The following EPHX4 variants were observed in gnomAD, a reference collection of about 807,000 sequenced individuals.
The protein encoded by EPHX4 is abhydrolase domain containing 7.
In EPHX4, 31 loss-of-function variants were observed where a neutral mutation model predicts 44.9. The ratio of observed to expected loss-of-function variants is 0.69; its 90% confidence interval spans 0.52 to 0.93. The LOEUF (loss-of-function observed/expected upper bound fraction) is 0.93. Among genes scored for constraint, EPHX4 ranks in the 40% least tolerant of loss-of-function variants. EPHX4 has a pLI of 0.00. For missense variants in EPHX4, 373 were observed against 438.1 expected, an observed-to-expected ratio of 0.85 and a Z score of 1.33; for synonymous variants, 151 against 159.7, an observed-to-expected ratio of 0.95 and a Z score of 0.41.
At chr1:92,037,535 GAGGC>G (rs1458465764) in intron 2 of EPHX4, among the ~76,000 whole-genome samples, 5 of 152,092 alleles carry the variant, frequency 3.3e-5, no homozygotes, top group African/African-American at 1.2e-4. Flanking sequence ...ATTTTGAGCT[GAGGC>G]AGGCAATTTC....
chr1:92,031,817 C>T (rs533125196), intron 1 of EPHX4, among the ~76,000 whole-genome samples: 1 of 151,966 alleles, frequency 6.6e-6, no homozygotes, highest in Admixed American at 6.6e-5. Flanking sequence ...TTTTAATTTT[C>T]CTTGGGTTTT....
chr1:92,041,984 G>C (rs1295772360), intron 2 of EPHX4, among the ~76,000 whole-genome samples: 1 of 152,194 alleles, frequency 6.6e-6, no homozygotes, highest in East Asian at 1.9e-4. Flanking sequence ...GGGAGGCAGA[G>C]GTTGCAGTGA....
intron 2 of EPHX4, among the ~76,000 whole-genome samples, chr1:92,033,936 T>G (rs1688397918): frequency 1.3e-5 from 2 of 151,704 alleles, no homozygotes; most frequent in South Asian, 2.1e-4. Flanking sequence ...GGGGAAGTGT[T>G]CTGTTCTCTA....
At position 92,030,358 on chromosome 1, in the gene EPHX4, C is replaced by T. The variant is rs768821963; in HGVS notation, c.231+48C>T. ...CGGGAGCGGGAGGGAGCGTGACCGCCGCGAGGGTGGGGGGCTCCGGGCTTC... is the reference window on the plus strand; with the variant it reads ...CGGGAGCGGGAGGGAGCGTGACCGCTGCGAGGGTGGGGGGCTCCGGGCTTC... On this transcript the variant is annotated intron_variant, in intron 1 of 6. Transcript: ENST00000370383. The T allele has an allele frequency of 8.4e-6, 12 of 1,430,706 alleles. No individual in the cohort carries two copies. In the African/African-American group the frequency reaches 1.2e-4, roughly 14 times the overall value. The allele number at this position is 1,430,706 out of a possible 1,614,324, so 88.6% of individuals were successfully genotyped here. A position where few individuals can be genotyped will look rare whatever the true frequency, so the allele number is the denominator to read the frequency against.
At chr1:92,040,723 A>C (rs1688497910) in intron 2 of EPHX4, among the ~76,000 whole-genome samples, 1 of 152,124 alleles carries the variant, frequency 6.6e-6, no homozygotes, top group African/African-American at 2.4e-5. Flanking sequence ...GGCCTCCCAA[A>C]GTGCTGAGAT....
rs1473693194 is a variant in EPHX4, at chr1:92,030,039, C to T, written c.-41C>T. 6 of 1,446,228 alleles carry T rather than the reference C, an allele frequency of 4.1e-6. No homozygotes were observed. Among genetic ancestry groups the T allele is most frequent in the Non-Finnish European group, 5.5e-6 (6 of 1,091,894 alleles). The allele number at this position is 1,446,228 out of a possible 1,614,324, so 89.6% of individuals were successfully genotyped here. ...TGGCGCGCTGCGGCGCTCGCTCACC[C>T]GCTCCCGAGGAAGGGCAGTGGGCCC... On this transcript the variant is annotated 5_prime_UTR_variant, in exon 1 of 7. Coordinates refer to ENST00000370383, the MANE Select transcript of EPHX4 (RefSeq NM_173567.5).
At chr1:92,062,821 T>C (rs1005714002) in intron 6 of EPHX4, among the ~76,000 whole-genome samples, 4 of 152,102 alleles carry the variant, frequency 2.6e-5, no homozygotes, top group Non-Finnish European at 4.4e-5. Context: ...GACTTTTTTT[T>C]CCCTAATCAC....
chr1:92,042,866 C>T lies in EPHX4; in HGVS notation c.361C>T (p.Arg121Ter), dbSNP rs1379933975. Reference sequence around the variant, plus strand: ...ACTGAGAGAATTTAAAAGTGAATATCGAGTTGTAGCACTGGATTTGAGAGG... The same window carrying T: ...ACTGAGAGAATTTAAAAGTGAATATTGAGTTGTAGCACTGGATTTGAGAGG... ...YQLREFKSEYRVVALDLRGYG... is the reference protein window; with the variant it reads ...YQLREFKSEY The change falls in exon 3 of 7, where the codon CGA (arginine) becomes TGA (stop). Residue 121 changes from arginine (R) to a stop codon, truncating the protein, a stop_gained. Transcript: ENST00000370383. LOFTEE classifies it high-confidence loss of function. 6.2e-6 allele frequency: 10 copies of T among 1,611,580 alleles called. No individual in the cohort carries two copies. The highest frequency in any genetic ancestry group is 8.5e-6 in the Non-Finnish European group (10 of 1,179,456).
chr1:92,037,589 GTCATCAC>G (rs1343893900), intron 2 of EPHX4, among the ~76,000 whole-genome samples: 5 of 152,070 alleles, frequency 3.3e-5, no homozygotes, highest in Non-Finnish European at 7.4e-5. Context: ...GAATGCATGC[GTCATCAC>G]TCAAGTGCTA....
chr1:92,040,176 ATT>A (rs10646888), intron 2 of EPHX4, among the ~76,000 whole-genome samples: 1 of 112,132 alleles, frequency 8.9e-6, no homozygotes, highest in Admixed American at 1.2e-4. Context: ...TGTTACAATG[ATT>A]TTTTTTTTTT....
At chr1:92,054,591 A>G (rs1647324946) in intron 6 of EPHX4, among the ~76,000 whole-genome samples, 1 of 150,818 alleles carries the variant, frequency 6.6e-6, no homozygotes, top group Admixed American at 6.6e-5. Flanking sequence ...CCATCTCAAA[A>G]AAAAAAAAAA....
At chr1:92,046,160 T>G (rs1474218228) in intron 4 of EPHX4, among the ~76,000 whole-genome samples, 1 of 152,190 alleles carries the variant, frequency 6.6e-6, no homozygotes, top group Non-Finnish European at 1.5e-5. Flanking sequence ...TTAAAAATAT[T>G]TATATGTTAA....
intron 2 of EPHX4, among the ~76,000 whole-genome samples, chr1:92,033,964 A>G (rs1688398669): frequency 1.3e-5 from 2 of 151,420 alleles, no homozygotes; most frequent in African/African-American, 2.4e-5. Flanking sequence ...CACTGGGCCA[A>G]ATAAGTACAG....
rs142556485 is a variant in EPHX4 at position 92,032,380 on chromosome 1, T to C, written c.232-125T>C. Reference sequence around the variant, plus strand: ...AAGGCAACTGAGTGTCATGAAGATATTGTAAATACACAAATGTTTTAAAAT... The same window carrying C: ...AAGGCAACTGAGTGTCATGAAGATACTGTAAATACACAAATGTTTTAAAAT... On this transcript the variant is annotated intron_variant, in intron 1 of 6. Transcript: ENST00000370383. 372 of 682,360 alleles carry C rather than the reference T, an allele frequency of 5.5e-4. No individual in the cohort carries two copies. The African/African-American group carries it at 6.4e-3, about 12-fold the overall frequency. The allele number at this position is 682,360 out of a possible 1,614,324, so 42.3% of individuals were successfully genotyped here. A position where few individuals can be genotyped will look rare whatever the true frequency, so the allele number is the denominator to read the frequency against.
chr1:92,040,539 G>C (rs896528620), intron 2 of EPHX4, among the ~76,000 whole-genome samples: 1 of 151,990 alleles, frequency 6.6e-6, no homozygotes, highest in Non-Finnish European at 1.5e-5. Flanking sequence ...TGGTCAGGCT[G>C]GTCTTGAACT....
At chr1:92,062,063 A>G (rs1647509165) in intron 6 of EPHX4, among the ~76,000 whole-genome samples, 1 of 152,062 alleles carries the variant, frequency 6.6e-6, no homozygotes, top group South Asian at 2.1e-4. Context: ...AAAAACATAT[A>G]TATACACAAC....
chr1:92,030,485 T>TGTGTGTGTGTGTGTGTGTGTGAGAGA (rs1326928763), intron 1 of EPHX4, among the ~76,000 whole-genome samples, 175 bp downstream of exon 1: 5 of 138,722 alleles, frequency 3.6e-5, no homozygotes, highest in African/African-American at 1.4e-4. Context: ...TGTGTGTGTG[T>TGTGTGTGTGTGTGTGTGTGTGAGAGA]GAGAGAGAGA....
chr1:92,036,690 C>G (rs1339668218), intron 2 of EPHX4, among the ~76,000 whole-genome samples: 1 of 152,196 alleles, frequency 6.6e-6, no homozygotes, highest in Non-Finnish European at 1.5e-5. Flanking sequence ...AAAACAGCAA[C>G]AACTACAAAC....
In EPHX4 at chr1:92,030,483, T is replaced by TGTGA. The variant is rs1553201380; in HGVS notation, c.231+175_231+178dup. Among the ~76,000 whole-genome samples the TGTGA allele has an allele frequency of 3.6e-5, 5 of 138,740 alleles. 1 individual carries two copies. Among genetic ancestry groups the TGTGA allele is most frequent in the Non-Finnish European group, 6.3e-5 (4 of 63,896 alleles). 91.0% of individuals were successfully genotyped at this position (138,740 alleles called of 152,430 possible). A position where few individuals can be genotyped will look rare whatever the true frequency, so the allele number is the denominator to read the frequency against. ...GTGTGTGTGTGTGTGTGTGTGTGTG[T>TGTGA]GTGAGAGAGAGAGAGAGAGAGAGAG... On this transcript the variant is annotated intron_variant, in intron 1 of 6. Transcript: ENST00000370383.
Sources: gnomAD v4.1 joint callset for allele counts (sites outside exome capture counted in the v4.1 genomes callset) on GRCh38, gnomAD v4.1.1 for gene constraint, MANE v1.5 for transcripts, NCBI Gene and HGNC (gene_info 2026-07-23, HGNC 2026-07-21) for gene names.